Variants in ITGB2 observed in about 807,000 individuals in gnomAD.
ITGB2 encodes the protein integrin subunit beta 2, also known as integrin beta-2.
A neutral mutation model predicts 86.8 loss-of-function variants in ITGB2; 56 were observed. That is an observed-to-expected ratio of 0.65 (90% CI 0.52 to 0.81). The LOEUF (loss-of-function observed/expected upper bound fraction) is 0.81. Among genes scored for constraint, ITGB2 ranks in the 30% least tolerant of loss-of-function variants. The pLI is 0.00. For missense variants in ITGB2, 948 were observed against 1,061.2 expected (o/e 0.89, Z 1.48); for synonymous variants, 457 against 450.4 (o/e 1.01, Z -0.19).
At chr21:44,894,189 G>C (rs532726787) in intron 9 of ITGB2, 1 of 169,060 alleles carries the variant, frequency 5.9e-6, no homozygotes, top group South Asian at 1.3e-4. Context: ...CTGCTCTGGG[G>C]GTTTGGGGCT....
intron 13 of ITGB2, 62 bp downstream of exon 13, chr21:44,889,214 G>A (rs2083747208): frequency 6.5e-7 from 1 of 1,526,868 alleles, no homozygotes; most frequent in African/African-American, 1.4e-5. Context: ...GAGCCCGGCT[G>A]CTGGGTAGGT....
At chr21:44,906,798 C>T (rs1030611827) in intron 4 of ITGB2, 117 bp downstream of exon 4, 14 of 1,116,772 alleles carry the variant, frequency 1.3e-5, no homozygotes, top group Middle Eastern at 2.1e-4. Context: ...CACACCCGTC[C>T]GACCCGGACA....
At chr21:44,908,713 G>T (rs907172564) in intron 3 of ITGB2, among the ~76,000 whole-genome samples, 1 of 152,174 alleles carries the variant, frequency 6.6e-6, no homozygotes, top group East Asian at 1.9e-4. Flanking sequence ...TTCTGTCTGC[G>T]GCTTGTCCGG....
intron 3 of ITGB2, chr21:44,907,963 G>A (rs1156840453): frequency 1.5e-6 from 1 of 680,530 alleles, no homozygotes; most frequent in South Asian, 1.5e-5. Context: ...AAGCCTAAAT[G>A]TAATCCACAC....
chr21:44,898,783 G>A (rs1274605027), intron 8 of ITGB2, among the ~76,000 whole-genome samples: 1 of 152,244 alleles, frequency 6.6e-6, no homozygotes, highest in Non-Finnish European at 1.5e-5. Flanking sequence ...GAATTGTGTT[G>A]TATTCCAGGA....
At chr21:44,896,972 A>G (rs1406363852) in intron 8 of ITGB2, among the ~76,000 whole-genome samples, 2 of 152,180 alleles carry the variant, frequency 1.3e-5, no homozygotes, top group African/African-American at 4.8e-5. Context: ...GGCCACCTAC[A>G]GATGGGACAC....
At chr21:44,909,115 G>C (rs552370072) in intron 3 of ITGB2, among the ~76,000 whole-genome samples, 1 of 152,328 alleles carries the variant, frequency 6.6e-6, no homozygotes, top group African/African-American at 2.4e-5. Flanking sequence ...GGACCTCCGC[G>C]GATGCTGAGC....
intron 8 of ITGB2, among the ~76,000 whole-genome samples, chr21:44,897,999 G>A (rs1027093718): frequency 6.6e-5 from 10 of 152,202 alleles, no homozygotes; most frequent in South Asian, 2.1e-4. Flanking sequence ...GGTAGACCCC[G>A]GCTGAGCTCC....
chr21:44,919,033 G>T, intron 1 of ITGB2, among the ~76,000 whole-genome samples: 1 of 42,022 alleles, frequency 2.4e-5, no homozygotes, highest in Non-Finnish European at 4.0e-5. Flanking sequence ...ACCTGCAGTT[G>T]CTCAGCTGTT....
chr21:44,886,573 G>C, intron 15 of ITGB2, 143 bp from the exon 16 acceptor site: 1 of 1,402,744 alleles, frequency 7.1e-7, no homozygotes, highest in Non-Finnish European at 1.0e-6. Context: ...TCCCAGCACC[G>C]GCAGCCAAGC....
chr21:44,889,644 G>T, intron 12 of ITGB2, 149 bp from the exon 13 acceptor site: 1 of 857,918 alleles, frequency 1.2e-6, no homozygotes, highest in South Asian at 1.5e-5. Context: ...CACTAGCCAG[G>T]CCCTTCTGCC....
chr21:44,910,568 G>A (rs547826116), intron 2 of ITGB2, 157 bp downstream of exon 2: 197 of 1,379,614 alleles, frequency 1.4e-4, no homozygotes, highest in Middle Eastern at 1.8e-4. Context: ...CTCCTGGCAC[G>A]TGCGGAGACG....
At chr21:44,919,101 A>ACAC (rs4050930) in intron 1 of ITGB2, among the ~76,000 whole-genome samples, 38,843 of 149,444 alleles carry the variant, frequency 0.26, 5,157 homozygotes, top group Middle Eastern at 0.32. Context: ...TGCGGAGCTG[A>ACAC]CAAACCCCAC....
At chr21:44,920,485 C>T (rs867941232) in intron 1 of ITGB2, among the ~76,000 whole-genome samples, 40 of 152,292 alleles carry the variant, frequency 2.6e-4, no homozygotes, top group Middle Eastern at 3.4e-3. Flanking sequence ...CTGCCCAGCC[C>T]GGAGCACCAG....
chr21:44,893,513 TTGTGATCCAGGAA>T lies in ITGB2; in HGVS notation c.1102_1114del (p.Phe368ThrfsTer7). On this transcript the variant is annotated frameshift_variant, in exon 10 of 16. Coordinates refer to ENST00000652462, the MANE Select transcript of ITGB2 (RefSeq NM_000211.5). LOFTEE classifies it high-confidence loss of function. ...GACTTTCAGGGTGTCGGGGAGGGCG[TTGTGATCCAGGAA>T]GACCCTGGAGGAGAGTTTCTGCGGG... 6.2e-7 allele frequency: 1 copy of T among 1,613,818 alleles called. No individual in the cohort carries two copies.
chr21:44,920,461 C>T (rs1800754946), intron 1 of ITGB2, among the ~76,000 whole-genome samples: 1 of 152,164 alleles, frequency 6.6e-6, no homozygotes, highest in Non-Finnish European at 1.5e-5. Context: ...GAGGAGGCCC[C>T]GGGAACCTGC....
intron 1 of ITGB2, among the ~76,000 whole-genome samples, chr21:44,920,188 A>G (rs1406154081): frequency 4.6e-5 from 7 of 152,114 alleles, no homozygotes; most frequent in Admixed American, 2.6e-4. Flanking sequence ...CCATACATGT[A>G]CATACAACAG....
chr21:44,920,539 T>A (rs1196908561), intron 1 of ITGB2, among the ~76,000 whole-genome samples: 1 of 152,088 alleles, frequency 6.6e-6, no homozygotes, highest in Admixed American at 6.5e-5. Context: ...CCCAGCCTCT[T>A]CCTGGCCTTG....
chr21:44,906,916 T>C lies in ITGB2; in HGVS notation c.327A>G (p.Pro109=), dbSNP rs199932521. 5.8e-5 allele frequency: 94 copies of C among 1,614,070 alleles called. 1 individual carries two copies. The highest frequency in any genetic ancestry group is 3.3e-4 in the Middle Eastern group (2 of 6,084). Residue 109 remains proline (P), a splice_region_variant and synonymous_variant, in exon 4 of 16, where the codon CCA becomes CCG. Coordinates refer to ENST00000652462, the MANE Select transcript of ITGB2 (RefSeq NM_000211.5). Reference sequence around the variant, plus strand: ...CACCACCACCGAGGCCAAGCCTACCTGGTCGCAGGTAAAGCGTCACTTTTT... The same window carrying C: ...CACCACCACCGAGGCCAAGCCTACCCGGTCGCAGGTAAAGCGTCACTTTTT... The part of the protein sequence containing the change: ...SPQKVTLYLR[P]GQAAAFNVTF...
Sources: allele counts gnomAD v4.1 joint callset (sites outside exome capture counted in the v4.1 genomes callset), GRCh38; gene constraint gnomAD v4.1.1; transcripts MANE v1.5; gene names NCBI Gene and HGNC (gene_info 2026-07-23, HGNC 2026-07-21).